SYT7: variants seen among roughly 807,000 people sequenced by gnomAD.
SYT7 encodes synaptotagmin 7.
A neutral mutation model predicts 75.1 loss-of-function variants in SYT7; 29 were observed. That is an observed-to-expected ratio of 0.39 (90% CI 0.29 to 0.53). The LOEUF is 0.53. SYT7 is among the 20% of genes least tolerant of loss of function. The pLI is 0.77. For synonymous variants in SYT7, 376 were observed against 401.7 expected (o/e 0.94, Z 0.76); for missense variants, 693 against 953.2 (o/e 0.73, Z 3.59).
upstream of SYT7, among the ~76,000 whole-genome samples, chr11:61,581,469 G>C (rs1333641854): frequency 6.6e-6 from 1 of 152,232 alleles, no homozygotes; most frequent in Non-Finnish European, 1.5e-5. Flanking sequence ...CTTTGGCTCC[G>C]ATCCAAAAGG....
chr11:61,528,368 G>T (rs993017081), intron 8 of SYT7, among the ~76,000 whole-genome samples, 183 bp from the exon 9 acceptor site: 3 of 152,188 alleles, frequency 2.0e-5, no homozygotes, highest in African/African-American at 7.2e-5. Flanking sequence ...GGGAGGGGAA[G>T]GGGGAGGGCA....
intron 7 of SYT7, among the ~76,000 whole-genome samples, chr11:61,534,460 C>T (rs191818888): frequency 7.2e-5 from 11 of 152,036 alleles, no homozygotes; most frequent in Middle Eastern, 3.4e-3. Context: ...CACGCACGTG[C>T]GTGCATATGT....
Position 61,580,777 on chromosome 11 carries a change from G to A in SYT7, c.31+13C>T. On this transcript the variant is annotated intron_variant, in intron 1 of 12. Coordinates refer to ENST00000539008, the MANE Select transcript of SYT7 (RefSeq NM_001365809.2). The surrounding 1 kb of genome is among the most constrained non-coding windows in gnomAD (Gnocchi z 6.1). ...CGGTGCGGGGCGCCCCAGCCCGCCG[G>A]GGCCGCGCTTACCTGGGCTGGCCGC... 7.9e-7 allele frequency: 1 copy of A among 1,270,174 alleles called. No individual in the cohort carries two copies. The highest frequency in any genetic ancestry group is 9.9e-7 in the Non-Finnish European group (1 of 1,007,884). The allele number at this position is 1,270,174 out of a possible 1,614,324, so 78.7% of individuals were successfully genotyped here.
intron 1 of SYT7, among the ~76,000 whole-genome samples, chr11:61,572,457 G>C (rs910723306): frequency 6.6e-6 from 1 of 152,214 alleles, no homozygotes; most frequent in Non-Finnish European, 1.5e-5. Context: ...ACCAGGCAAC[G>C]TAGCCCAGTG....
chr11:61,536,523 C>T (rs2135187953), intron 7 of SYT7, among the ~76,000 whole-genome samples: 1 of 152,326 alleles, frequency 6.6e-6, no homozygotes, highest in East Asian at 1.9e-4. Flanking sequence ...GCAGCCCAGC[C>T]TTGAGATCCT....
intron 1 of SYT7, among the ~76,000 whole-genome samples, chr11:61,567,763 T>C (rs1398769940): frequency 3.3e-5 from 5 of 152,170 alleles, no homozygotes; most frequent in Admixed American, 6.5e-5. Flanking sequence ...AGCGGCGGCC[T>C]GGGCCAGCGG....
At chr11:61,549,431 C>T (rs1047083087) in intron 3 of SYT7, among the ~76,000 whole-genome samples, 1 of 152,152 alleles carries the variant, frequency 6.6e-6, no homozygotes, top group Non-Finnish European at 1.5e-5. Flanking sequence ...ACCCTTGGTT[C>T]GTGGAATAGC....
rs1301385635 is a variant in SYT7 at position 61,551,449 on chromosome 11, C to G, written c.150G>C (p.Lys50Asn). 1 of 1,613,886 alleles carries G rather than the reference C, an allele frequency of 6.2e-7. No homozygotes were observed. The highest frequency in any genetic ancestry group is 1.1e-5 in the South Asian group (1 of 91,080). ...WCQRKLGKRY[K>N]NSLETVGTPD... ...GCGTGCCCACCGTCTCCAAGGAATT[C>G]TTGTAGCGTTTGCCCTGTGGAGATA... The change falls in exon 3 of 13, where the codon AAG (lysine) becomes AAC (asparagine). Residue 50 changes from lysine to asparagine, a missense_variant. Around this residue, in one of 2 missense-constraint regions of SYT7, gnomAD observed 487 missense variants for 593.2 expected, o/e 0.82. Transcript: ENST00000539008. This position sits in a 1 kb window ranked among gnomAD's most constrained non-coding sequence, Gnocchi z 5.3.
chr11:61,571,175 C>T (rs540149638), intron 1 of SYT7, among the ~76,000 whole-genome samples: 53 of 152,324 alleles, frequency 3.5e-4, no homozygotes, highest in African/African-American at 1.3e-3. Context: ...CCTCTCAGCC[C>T]CTGCTTGGCG....
intron 1 of SYT7, among the ~76,000 whole-genome samples, chr11:61,567,994 G>C (rs1191360946): frequency 3.3e-5 from 5 of 152,234 alleles, no homozygotes; most frequent in Non-Finnish European, 5.9e-5. Flanking sequence ...AAGGTGGGTG[G>C]GGAAGGCTTG....
In SYT7 at chr11:61,580,501, C is replaced by T. The variant is rs1381760759; in HGVS notation, c.31+289G>A. 1.3e-5 allele frequency among the ~76,000 whole-genome samples: 2 copies of T among 152,148 alleles called. No individual in the cohort carries two copies. The highest frequency in any genetic ancestry group is 4.8e-5 in the African/African-American group (2 of 41,450). ...CCACAGGGGCAGCGGCTCCTCGCTC[C>T]GCCACACACGTTGTCCTTGGGCTGT... On this transcript the variant is annotated intron_variant, in intron 1 of 12. Transcript: ENST00000539008. This position sits in a 1 kb window ranked among gnomAD's most constrained non-coding sequence, Gnocchi z 6.1.
At chr11:61,579,455 C>T (rs2064180778) in intron 1 of SYT7, among the ~76,000 whole-genome samples, 1 of 152,244 alleles carries the variant, frequency 6.6e-6, no homozygotes, top group South Asian at 2.1e-4. Context: ...CTCTCACCCT[C>T]ATATCCAAGT....
upstream of SYT7, among the ~76,000 whole-genome samples, chr11:61,585,075 G>C (rs899622805): frequency 6.6e-6 from 1 of 152,012 alleles, no homozygotes; most frequent in African/African-American, 2.4e-5. Flanking sequence ...TCGGCTTCAG[G>C]GAGGGACATT....
chr11:61,565,244 G>A (rs1315867690), intron 1 of SYT7, among the ~76,000 whole-genome samples: 1 of 152,194 alleles, frequency 6.6e-6, no homozygotes, highest in Non-Finnish European at 1.5e-5. Flanking sequence ...CGCATGCTGA[G>A]CAGATGGAAA....
intron 8 of SYT7, chr11:61,531,113 T>A: frequency 1.0e-6 from 1 of 985,450 alleles, no homozygotes; most frequent in Non-Finnish European, 1.2e-6. Flanking sequence ...CAGGACAGGC[T>A]GAGGTCACAG....
chr11:61,581,592 T>A (rs1015192315), upstream of SYT7, among the ~76,000 whole-genome samples: 2 of 151,240 alleles, frequency 1.3e-5, no homozygotes. Context: ...AAACCAGGAG[T>A]GGAATTTTTG....
At chr11:61,571,015 C>T (rs188210621) in intron 1 of SYT7, among the ~76,000 whole-genome samples, 1 of 152,308 alleles carries the variant, frequency 6.6e-6, no homozygotes, top group Admixed American at 6.5e-5. Flanking sequence ...CTCCATTTTA[C>T]AGGTGGGAAA....
rs1369650316 is a variant in SYT7 at position 61,546,518 on chromosome 11, G to A, written c.348-263C>T. The A allele has an allele frequency of 8.3e-6, 4 of 483,748 alleles. No homozygotes were observed. Among genetic ancestry groups the A allele is most frequent in the Non-Finnish European group, 1.2e-5 (3 of 260,542 alleles). The allele number at this position is 483,748 out of a possible 1,614,324, so 30.0% of individuals were successfully genotyped here. ...GAGAGGGGGACCGGGCGGGCTGGGG[G>A]TCGGAGAACAACGCACCACGACAAC... On this transcript the variant is annotated intron_variant, in intron 4 of 12. Coordinates refer to ENST00000539008, the MANE Select transcript of SYT7 (RefSeq NM_001365809.2). The surrounding 1 kb of genome is among the most constrained non-coding windows in gnomAD (Gnocchi z 7.6).
At chr11:61,558,112 A>G (rs1334548008) in intron 1 of SYT7, among the ~76,000 whole-genome samples, 1 of 152,250 alleles carries the variant, frequency 6.6e-6, no homozygotes, top group Non-Finnish European at 1.5e-5. Context: ...TCACTTTGAA[A>G]TAAAGTAAAC....
Sources: gnomAD v4.1 joint callset for allele counts (sites outside exome capture counted in the v4.1 genomes callset) on GRCh38, gnomAD v4.1.1 for gene constraint, gnomAD v4.1.1 regional missense constraint, Gnocchi (gnomAD v3.1) non-coding constraint, MANE v1.5 for transcripts, NCBI Gene and HGNC (gene_info 2026-07-23, HGNC 2026-07-21) for gene names.